The following RXRA variants were observed in gnomAD, a reference collection of about 807,000 sequenced individuals.
The protein encoded by RXRA is retinoid X receptor alpha.
A neutral mutation model predicts 44.5 loss-of-function variants in RXRA; 5 were observed. The ratio of observed to expected loss-of-function variants is 0.11; its 90% CI spans 0.06 to 0.24. The LOEUF (loss-of-function observed/expected upper bound fraction) is 0.24. Among genes scored for constraint, RXRA ranks in the 10% least tolerant of loss-of-function variants. The pLI is 1.00. For synonymous variants in RXRA, 291 were observed against 271.4 expected, an observed-to-expected ratio of 1.07 and a Z score of -0.71; for missense variants, 412 against 646.5, an observed-to-expected ratio of 0.64 and a Z score of 3.93.
chr9:134,339,311 G>A (rs1830053121), intron 1 of RXRA, among the ~76,000 whole-genome samples: 1 of 152,270 alleles, frequency 6.6e-6, no homozygotes, highest in African/African-American at 2.4e-5. Context: ...TCCTCTGTCT[G>A]CGTGTGAGCC....
chr9:134,361,154 C>G (rs529806964), intron 1 of RXRA, among the ~76,000 whole-genome samples: 3 of 152,232 alleles, frequency 2.0e-5, no homozygotes, highest in Non-Finnish European at 4.4e-5. Flanking sequence ...CAATTAATGC[C>G]GTGATCATTT....
At chr9:134,436,098 G>A (rs1380372978) in intron 9 of RXRA, among the ~76,000 whole-genome samples, 2 of 152,144 alleles carry the variant, frequency 1.3e-5, no homozygotes, top group African/African-American at 4.8e-5. Context: ...CTCCCACCTC[G>A]GCCTCTCAAA....
intron 1 of RXRA, among the ~76,000 whole-genome samples, chr9:134,399,583 G>C (rs148771153): frequency 1.4e-3 from 214 of 152,302 alleles, no homozygotes; most frequent in African/African-American, 4.9e-3. Flanking sequence ...TGTGGGTCCT[G>C]CCTGTCCTCC....
chr9:134,404,808 C>G (rs1455923641), intron 2 of RXRA: 1 of 152,438 alleles, frequency 6.6e-6, no homozygotes, highest in Non-Finnish European at 1.5e-5. Context: ...GCAGAGTGGG[C>G]CTTTCCCAAG....
At chr9:134,352,562 G>A (rs1164560403) in intron 1 of RXRA, among the ~76,000 whole-genome samples, 1 of 152,130 alleles carries the variant, frequency 6.6e-6, no homozygotes, top group Non-Finnish European at 1.5e-5. Context: ...GCGTCTGTCC[G>A]GACCACCCAG....
chr9:134,421,869 C>T (rs1007214542), intron 6 of RXRA, 64 bp downstream of exon 6: 1 of 1,587,022 alleles, frequency 6.3e-7, no homozygotes, highest in Non-Finnish European at 8.6e-7. Flanking sequence ...CCAGGACACT[C>T]CCCCCTCCCG....
Position 134,342,752 on chromosome 9 carries a change from A to G in RXRA, c.28+16093A>G, listed in dbSNP as rs1830101452. 6.6e-6 allele frequency among the ~76,000 whole-genome samples: 1 copy of G among 152,078 alleles called. No homozygotes were observed. Among genetic ancestry groups the G allele is most frequent in the Admixed American group, 6.5e-5 (1 of 15,284 alleles). On this transcript the variant is annotated intron_variant, in intron 1 of 9. Transcript: ENST00000481739. This position sits in a 1 kb window ranked among gnomAD's most constrained non-coding sequence, Gnocchi z 4.4. Reference sequence around the variant, plus strand: ...TGGGTTTGGGGGAACCTGGCCCCATAGGAGAGTGGACAGCGCCGCGGAGGA... The same window carrying G: ...TGGGTTTGGGGGAACCTGGCCCCATGGGAGAGTGGACAGCGCCGCGGAGGA...
intron 1 of RXRA, among the ~76,000 whole-genome samples, chr9:134,357,393 G>A (rs575753386): frequency 2.0e-5 from 3 of 152,350 alleles, no homozygotes; most frequent in Non-Finnish European, 4.4e-5. Context: ...GAGCTGATTC[G>A]CACCTTGGCC....
At chr9:134,397,333 C>G (rs1194003770) in intron 1 of RXRA, among the ~76,000 whole-genome samples, 1 of 152,192 alleles carries the variant, frequency 6.6e-6, no homozygotes, top group Non-Finnish European at 1.5e-5. Flanking sequence ...GTTACTAAAC[C>G]TGCCGCTTAG....
chr9:134,437,460 G>A lies in RXRA; in HGVS notation c.*846G>A, dbSNP rs4240711. 0.54 allele frequency: 82,914 copies of A among 152,502 alleles called. 24,417 individuals carry two copies. Among genetic ancestry groups the A allele is most frequent in the East Asian group, 0.66 (3,378 of 5,142 alleles). The allele number at this position is 152,502 out of a possible 1,614,324, so 9.4% of individuals were successfully genotyped here. On this transcript the variant is annotated 3_prime_UTR_variant, in exon 10 of 10. Coordinates refer to ENST00000481739, the MANE Select transcript of RXRA (RefSeq NM_002957.6). ...TCCTTGCTCTGCGGGGTGGGCTGAG[G>A]CTTGTCCTTGTTTCCTGCAGGGCTG... is the stretch of plus-strand genomic sequence containing the variant.
chr9:134,344,876 T>C (rs993128062), intron 1 of RXRA, among the ~76,000 whole-genome samples: 1 of 152,188 alleles, frequency 6.6e-6, no homozygotes, highest in Non-Finnish European at 1.5e-5. Flanking sequence ...CTGGTGGTAG[T>C]GATGGGACGC....
At chr9:134,423,836 A>G in intron 6 of RXRA, 1 of 985,398 alleles carries the variant, frequency 1.0e-6, no homozygotes, top group South Asian at 4.7e-5. Flanking sequence ...GTCCTTGGAG[A>G]GATAGCCAAG....
rs1295439735 is a variant in RXRA at position 134,438,394 on chromosome 9, C to T, written c.*1780C>T. Reference sequence around the variant, plus strand: ...CCAGCCAGAGCTGAGCTTAGGCACCCGAGTGGAGCCTGCAGCTGAGTCTGT... The same window carrying T: ...CCAGCCAGAGCTGAGCTTAGGCACCTGAGTGGAGCCTGCAGCTGAGTCTGT... On this transcript the variant is annotated 3_prime_UTR_variant, in exon 10 of 10. Transcript: ENST00000481739. 2.0e-5 allele frequency: 3 copies of T among 152,242 alleles called. No individual in the cohort carries two copies. Among genetic ancestry groups the T allele is most frequent in the East Asian group, 1.9e-4 (1 of 5,188 alleles). 9.4% of individuals were successfully genotyped at this position (152,242 alleles called of 1,614,324 possible).
chr9:134,380,859 G>T (rs182223964), intron 1 of RXRA, among the ~76,000 whole-genome samples: 72 of 152,282 alleles, frequency 4.7e-4, no homozygotes, highest in African/African-American at 1.6e-3. Flanking sequence ...CAGGCAGACG[G>T]CACCTTCTAC....
At position 134,433,033 on chromosome 9, in the gene RXRA, G is replaced by A. The variant is rs1193970752; in HGVS notation, c.1135+1037G>A. ...GGGGCTGCTGTGGGGAGCTCACTTGGGCTATGGTGGAGGGAGTGGAGCCCT... is the reference window on the plus strand; with the variant it reads ...GGGGCTGCTGTGGGGAGCTCACTTGAGCTATGGTGGAGGGAGTGGAGCCCT... On this transcript the variant is annotated intron_variant, in intron 8 of 9. Coordinates refer to ENST00000481739, the MANE Select transcript of RXRA (RefSeq NM_002957.6). The surrounding 1 kb of genome is among the most constrained non-coding windows in gnomAD (Gnocchi z 4.2). Among the ~76,000 whole-genome samples the A allele has an allele frequency of 6.6e-6, 1 of 152,102 alleles. No individual in the cohort carries two copies. The highest frequency in any genetic ancestry group is 6.5e-5 in the Admixed American group (1 of 15,276).
chr9:134,375,994 G>T (rs1422779413), intron 1 of RXRA, among the ~76,000 whole-genome samples: 1 of 124,376 alleles, frequency 8.0e-6, no homozygotes, highest in Non-Finnish European at 1.6e-5. Flanking sequence ...CGCCAGGCTC[G>T]CAGCCTGCTG....
chr9:134,416,419 G>A (rs1273251453), intron 4 of RXRA, among the ~76,000 whole-genome samples: 2 of 152,174 alleles, frequency 1.3e-5, no homozygotes, highest in African/African-American at 2.4e-5. Context: ...CATAATGCTC[G>A]GCTTCTGGTT....
chr9:134,386,078 G>T (rs889149885), intron 1 of RXRA, among the ~76,000 whole-genome samples: 1 of 152,252 alleles, frequency 6.6e-6, no homozygotes, highest in African/African-American at 2.4e-5. Flanking sequence ...GAGGGTGGGG[G>T]ACCGGGCGGC....
At chr9:134,396,769 G>A (rs560073828) in intron 1 of RXRA, among the ~76,000 whole-genome samples, 2 of 152,304 alleles carry the variant, frequency 1.3e-5, no homozygotes, top group South Asian at 2.1e-4. Context: ...GGCTTCCTGG[G>A]GCGCCAGATT....
Sources: gnomAD v4.1 joint callset for allele counts (sites outside exome capture counted in the v4.1 genomes callset) on GRCh38, gnomAD v4.1.1 for gene constraint, Gnocchi (gnomAD v3.1) non-coding constraint, MANE v1.5 for transcripts, NCBI Gene and HGNC (gene_info 2026-07-23, HGNC 2026-07-21) for gene names.